The following SAR1B variants were observed in gnomAD, a reference collection of about 807,000 sequenced individuals.
SAR1B encodes the protein small COPII coat GTPase SAR1B.
A neutral mutation model predicts 26.8 loss-of-function variants in SAR1B; 23 were observed. That is an observed-to-expected ratio of 0.86 (90% CI 0.62 to 1.22). SAR1B has a LOEUF of 1.22. SAR1B is among the 50% of genes most tolerant of loss of function. The pLI, the probability that SAR1B is intolerant of heterozygous loss-of-function variation, is 0.00. For synonymous variants in SAR1B, 65 were observed against 80.8 expected, an observed-to-expected ratio of 0.80 and a Z score of 1.05; for missense variants, 196 against 232.8, an observed-to-expected ratio of 0.84 and a Z score of 1.03.
At chr5:134,621,576 T>G (rs1350518864) in intron 2 of SAR1B, among the ~76,000 whole-genome samples, 1 of 152,180 alleles carries the variant, frequency 6.6e-6, no homozygotes, top group African/African-American at 2.4e-5. Flanking sequence ...GTCAATAGAA[T>G]ATGTGTTTTG....
In SAR1B at chr5:134,605,562, T is replaced by C. The variant is rs1238936255; in HGVS notation, c.*1388A>G. ...GCTCACGCCTATAATCCCAGAACTT[T>C]GGGAGGCCAAGGCGGGCAGATCACT... On this transcript the variant is annotated 3_prime_UTR_variant, in exon 7 of 7. Coordinates refer to ENST00000402673, the MANE Select transcript of SAR1B (RefSeq NM_016103.4). 6.8e-6 allele frequency: 1 copy of C among 147,974 alleles called. No homozygotes were observed. The highest frequency in any genetic ancestry group is 1.5e-5 in the Non-Finnish European group (1 of 67,550). The allele number at this position is 147,974 out of a possible 1,614,324, so 9.2% of individuals were successfully genotyped here.
chr5:134,608,875 C>A (rs1014489365), intron 5 of SAR1B: 2 of 366,250 alleles, frequency 5.5e-6, no homozygotes, highest in African/African-American at 2.1e-5. Context: ...GTAGCATCCA[C>A]CCTATGAAAT....
intron 1 of SAR1B, among the ~76,000 whole-genome samples, chr5:134,630,456 CAAAA>C (rs773343974): frequency 4.8e-5 from 2 of 41,562 alleles, no homozygotes; most frequent in Non-Finnish European, 4.9e-5. Flanking sequence ...AACTCTATCT[CAAAA>C]AAAAAAAAAA....
At position 134,612,684 on chromosome 5, in the gene SAR1B, A is replaced by AAAAATAAAAT; in HGVS notation, c.244+6_244+7insATTTTATTTT. 11 of 1,017,726 alleles carry AAAAATAAAAT rather than the reference A, an allele frequency of 1.1e-5. No homozygotes were observed. The highest frequency in any genetic ancestry group is 1.8e-5 in the African/African-American group (1 of 57,024). 63.0% of individuals were successfully genotyped at this position (1,017,726 alleles called of 1,614,324 possible). A position where few individuals can be genotyped will look rare whatever the true frequency, so the allele number is the denominator to read the frequency against. On this transcript the variant is annotated splice_region_variant and intron_variant, in intron 4 of 6. Coordinates refer to ENST00000402673, the MANE Select transcript of SAR1B (RefSeq NM_016103.4). ...AAAAAAAAAAAAAAAAAAAAAAAGA[A>AAAAATAAAAT]TCTTACCTTGAACATGTCCACCCAG...
chr5:134,602,822 G>A lies in SAR1B; in HGVS notation c.*4128C>T, dbSNP rs527299883. ...GAACCTGGGAAGCAGAGGTTGCAGT[G>A]AGCCAAGATCGCACCACTGCACTCC... On this transcript the variant is annotated 3_prime_UTR_variant, in exon 7 of 7. Transcript: ENST00000402673. 2.0e-5 allele frequency: 3 copies of A among 151,998 alleles called. No individual in the cohort carries two copies. In the East Asian group the frequency reaches 5.8e-4, roughly 29 times the overall value. The allele number at this position is 151,998 out of a possible 1,614,324, so 9.4% of individuals were successfully genotyped here.
In SAR1B at chr5:134,617,372, G is replaced by T. The variant is rs568972675; in HGVS notation, c.178+3561C>A. Among the ~76,000 whole-genome samples, 5 of 152,200 alleles carry T rather than the reference G, an allele frequency of 3.3e-5. No individual in the cohort carries two copies. The South Asian group carries it at 1.0e-3, about 32-fold the overall frequency. On this transcript the variant is annotated intron_variant, in intron 3 of 6. Coordinates refer to ENST00000402673, the MANE Select transcript of SAR1B (RefSeq NM_016103.4). ...AGAACTGCCAGATCATAGGATATATGTAGGTTTTCACATATGCTTTTTTTT... is the reference window on the plus strand; with the variant it reads ...AGAACTGCCAGATCATAGGATATATTTAGGTTTTCACATATGCTTTTTTTT...
chr5:134,612,784 A>G (rs1298921512), intron 3 of SAR1B, 28 bp from the exon 4 acceptor site: 2 of 1,580,788 alleles, frequency 1.3e-6, no homozygotes, highest in Admixed American at 3.5e-5. Context: ...ATATTTTTAC[A>G]TGAAAATTAG....
intron 4 of SAR1B, among the ~76,000 whole-genome samples, chr5:134,611,392 A>G (rs1430082890): frequency 1.3e-5 from 2 of 152,110 alleles, no homozygotes; most frequent in African/African-American, 4.8e-5. Context: ...ATGACTTACT[A>G]TGAGGTAGAT....
At position 134,604,925 on chromosome 5, in the gene SAR1B, G is replaced by A. The variant is rs1437996388; in HGVS notation, c.*2025C>T. 6.6e-6 allele frequency: 1 copy of A among 152,170 alleles called. No homozygotes were observed. The highest frequency in any genetic ancestry group is 1.9e-4 in the East Asian group (1 of 5,202). The allele number at this position is 152,170 out of a possible 1,614,324, so 9.4% of individuals were successfully genotyped here. A position where few individuals can be genotyped will look rare whatever the true frequency, so the allele number is the denominator to read the frequency against. On this transcript the variant is annotated 3_prime_UTR_variant, in exon 7 of 7. Coordinates refer to ENST00000402673, the MANE Select transcript of SAR1B (RefSeq NM_016103.4). Reference sequence around the variant, plus strand: ...TTAGTTCTATTTAGTCAGAACTTAAGGAGTACTTTAAACCTATCTGGAAGA... The same window carrying A: ...TTAGTTCTATTTAGTCAGAACTTAAAGAGTACTTTAAACCTATCTGGAAGA...
At chr5:134,630,092 G>A (rs963623393) in intron 1 of SAR1B, among the ~76,000 whole-genome samples, 4 of 151,140 alleles carry the variant, frequency 2.6e-5, no homozygotes, top group African/African-American at 7.3e-5. Context: ...GTGAAACCCC[G>A]AGTTGGGATG....
At chr5:134,619,067 T>G (rs1765361114) in intron 3 of SAR1B, among the ~76,000 whole-genome samples, 1 of 151,108 alleles carries the variant, frequency 6.6e-6, no homozygotes, top group African/African-American at 2.4e-5. Flanking sequence ...TGGTGGCTCA[T>G]GCCTGTAATC....
chr5:134,617,210 C>T (rs1187188681), intron 3 of SAR1B, among the ~76,000 whole-genome samples: 2 of 151,806 alleles, frequency 1.3e-5, no homozygotes, highest in Non-Finnish European at 2.9e-5. Context: ...CCAGCCTGGG[C>T]CACAGAGTGA....
chr5:134,614,498 A>T (rs1314741570), intron 3 of SAR1B: 1 of 152,242 alleles, frequency 6.6e-6, no homozygotes, highest in Non-Finnish European at 1.5e-5. Flanking sequence ...TTAGAAGGCT[A>T]AATGGGATTA....
intron 2 of SAR1B, 151 bp from the exon 3 acceptor site, chr5:134,621,203 C>T: frequency 1.2e-6 from 1 of 838,278 alleles, no homozygotes; most frequent in African/African-American, 1.7e-5. Context: ...GGCACGGTGG[C>T]TCACACCTGT....
intron 2 of SAR1B, among the ~76,000 whole-genome samples, chr5:134,623,516 A>AAG (rs1230584955): frequency 2.6e-5 from 4 of 151,554 alleles, no homozygotes; most frequent in Non-Finnish European, 4.4e-5. Context: ...AAAAAAAAAA[A>AAG]AAAAAGAACT....
chr5:134,611,324 A>T (rs1029002241), intron 4 of SAR1B, among the ~76,000 whole-genome samples: 7 of 152,194 alleles, frequency 4.6e-5, no homozygotes, highest in African/African-American at 1.7e-4. Context: ...CAATCTTTTC[A>T]ACTATATGTC....
At chr5:134,630,888 TC>T (rs1765590726) in intron 1 of SAR1B, among the ~76,000 whole-genome samples, 14 of 146,100 alleles carry the variant, frequency 9.6e-5, no homozygotes, top group South Asian at 2.1e-4. Flanking sequence ...TCTTTTTTTT[TC>T]TTTTTTTTTT....
intron 2 of SAR1B, among the ~76,000 whole-genome samples, 190 bp downstream of exon 2, chr5:134,623,771 TA>T (rs1765451654): frequency 6.6e-6 from 1 of 152,134 alleles, no homozygotes; most frequent in Non-Finnish European, 1.5e-5. Flanking sequence ...GTGAAAAAAG[TA>T]ATTTGCCAAA....
intron 5 of SAR1B, chr5:134,608,935 T>A: frequency 2.7e-6 from 1 of 368,196 alleles, no homozygotes; most frequent in South Asian, 2.1e-5. Context: ...AAGTAGGAAC[T>A]CAGGCATTCT....
Sources: gnomAD v4.1 joint callset for allele counts (sites outside exome capture counted in the v4.1 genomes callset) on GRCh38, gnomAD v4.1.1 for gene constraint, MANE v1.5 for transcripts, NCBI Gene and HGNC (gene_info 2026-07-23, HGNC 2026-07-21) for gene names.